Variants in MYO18A observed in about 807,000 individuals in gnomAD.
MYO18A encodes the protein unconventional myosin-XVIIIa.
Under a neutral mutation model 235.8 loss-of-function variants are expected in MYO18A, and 78 were observed. That is an observed-to-expected ratio of 0.33 (90% CI 0.28 to 0.40). MYO18A has a LOEUF of 0.40. MYO18A is among the 10% of genes least tolerant of loss of function. MYO18A has a pLI of 1.00. For synonymous variants in MYO18A, 977 were observed against 1,077.8 expected, an observed-to-expected ratio of 0.91 and a Z score of 1.83; for missense variants, 2,215 against 2,699.3, an observed-to-expected ratio of 0.82 and a Z score of 3.98.
At chr17:29,082,195 G>A in intron 41 of MYO18A, 121 bp downstream of exon 41, 1 of 1,334,146 alleles carries the variant, frequency 7.5e-7, no homozygotes, top group Non-Finnish European at 1.0e-6. Context: ...AGCATGCCCG[G>A]GCCGCAGTCA....
Position 29,121,317 on chromosome 17 carries a change from T to C in MYO18A, c.1372-106A>G, listed in dbSNP as rs1001406738. 83 of 1,307,160 alleles carry C rather than the reference T, an allele frequency of 6.3e-5. No individual in the cohort carries two copies. The highest frequency in any genetic ancestry group is 5.9e-4 in the Middle Eastern group (3 of 5,088). The allele number at this position is 1,307,160 out of a possible 1,614,324, so 81.0% of individuals were successfully genotyped here. ...TCTTTCTGGATTTTCCCTCCTGTAG[T>C]GCCCAGGGATTCCAAGGCCAAGGCC... On this transcript the variant is annotated intron_variant, in intron 5 of 41. Coordinates refer to ENST00000527372, the MANE Select transcript of MYO18A (RefSeq NM_078471.4). This position sits in a 1 kb window ranked among gnomAD's most constrained non-coding sequence, Gnocchi z 4.2.
At chr17:29,080,721 C>T in intron 41 of MYO18A, 4 of 985,528 alleles carry the variant, frequency 4.1e-6, no homozygotes, top group African/African-American at 3.5e-5. Context: ...ACCGCTTCTG[C>T]GGCCCCCGGC....
At chr17:29,132,417 C>T (rs2067494312) in intron 2 of MYO18A, among the ~76,000 whole-genome samples, 1 of 152,236 alleles carries the variant, frequency 6.6e-6, no homozygotes, top group South Asian at 2.1e-4. Flanking sequence ...AATTTCTCCT[C>T]TTTCCCGCGT....
rs1052371521 is a variant in MYO18A at position 29,082,430 on chromosome 17, T to G, written c.5906A>C (p.Asp1969Ala). ...YQKRKNKLEGDSDVDSELEDR... is the reference protein window; with the variant it reads ...YQKRKNKLEGASDVDSELEDR... The stretch of plus-strand genomic sequence containing the variant: ...CTCCAGCTCCGAGTCCACATCAGAG[T>G]CTCCCTCACTGTAGGGATGAGGAGC... Residue 1969 changes from aspartate (D) to alanine (A), a missense_variant, in exon 41 of 42, where the codon GAC becomes GCC. Asp to Ala is a moderately radical substitution (Grantham distance 126). Transcript: ENST00000527372. 1 of 1,612,560 alleles carries G rather than the reference T, an allele frequency of 6.2e-7. No homozygotes were observed. The highest frequency in any genetic ancestry group is 1.7e-5 in the Admixed American group (1 of 59,940).
At position 29,109,780 on chromosome 17, in the gene MYO18A, G is replaced by T; in HGVS notation, c.3331+78C>A. On this transcript the variant is annotated intron_variant, in intron 19 of 41. Transcript: ENST00000527372. The surrounding 1 kb of genome is among the most constrained non-coding windows in gnomAD (Gnocchi z 4.1). ...GGAGCAGCCCCACTGCAGCCCACGG[G>T]TCGCAGGTGGGAGGTGGGGCCGGGC... The T allele has an allele frequency of 1.3e-6, 2 of 1,511,122 alleles. No individual in the cohort carries two copies. The highest frequency in any genetic ancestry group is 2.0e-5 in the Admixed American group (1 of 49,734). The allele number at this position is 1,511,122 out of a possible 1,614,324, so 93.6% of individuals were successfully genotyped here.
At chr17:29,101,399 G>A (rs2066648839) in intron 21 of MYO18A, among the ~76,000 whole-genome samples, 2 of 151,190 alleles carry the variant, frequency 1.3e-5, no homozygotes, top group South Asian at 4.2e-4. Context: ...TCCACCTCCT[G>A]AGCTCAAGCG....
chr17:29,160,806 A>T (rs769568748), intron 2 of MYO18A, among the ~76,000 whole-genome samples: 5 of 152,226 alleles, frequency 3.3e-5, no homozygotes, highest in African/African-American at 7.2e-5. Context: ...TAAAACCTCC[A>T]ACTAGCAGCC....
chr17:29,116,092 GCTGCAAAAATCCCTTTT>G (rs143945990), intron 11 of MYO18A, among the ~76,000 whole-genome samples: 3,094 of 152,344 alleles, frequency 0.02, 72 homozygotes, highest in African/African-American at 0.046. Context: ...CAACAAACCA[GCTGCAAAAATCCCTTTT>G]CAGATGGCTC....
rs79647501 is a variant in MYO18A, at chr17:29,111,277, C to T, written c.2900+147G>A. ...AAGAGGCCCCTCAAGCTCCTCAAGGCCAAGTGCCCTGGGCTGTTGCCTCTC... is the reference window on the plus strand; with the variant it reads ...AAGAGGCCCCTCAAGCTCCTCAAGGTCAAGTGCCCTGGGCTGTTGCCTCTC... On this transcript the variant is annotated intron_variant, in intron 17 of 41. Transcript: ENST00000527372. The surrounding 1 kb of genome is among the most constrained non-coding windows in gnomAD (Gnocchi z 5.1). 6.3e-5 allele frequency: 57 copies of T among 898,682 alleles called. No individual in the cohort carries two copies. 55.7% of individuals were successfully genotyped at this position (898,682 alleles called of 1,614,324 possible). A position where few individuals can be genotyped will look rare whatever the true frequency, so the allele number is the denominator to read the frequency against.
chr17:29,150,233 A>G (rs1318355875), intron 2 of MYO18A, among the ~76,000 whole-genome samples: 1 of 152,252 alleles, frequency 6.6e-6, no homozygotes, highest in East Asian at 1.9e-4. Flanking sequence ...GAAGTAAAAA[A>G]TAAAGCACAA....
At chr17:29,122,098 G>C (rs2067215407) in intron 3 of MYO18A, 68 bp downstream of exon 3, 1 of 1,544,824 alleles carries the variant, frequency 6.5e-7, no homozygotes, top group East Asian at 2.3e-5. Context: ...GATGCAGAAG[G>C]CACATTCGCT....
intron 2 of MYO18A, among the ~76,000 whole-genome samples, chr17:29,149,996 G>GA (rs971857840): frequency 6.6e-5 from 10 of 151,882 alleles, no homozygotes; most frequent in East Asian, 1.9e-4. Context: ...TTCCACAGAA[G>GA]AAAAAAAAGG....
intron 2 of MYO18A, among the ~76,000 whole-genome samples, chr17:29,139,526 G>T (rs2067685881): frequency 6.6e-6 from 1 of 152,088 alleles, no homozygotes; most frequent in South Asian, 2.1e-4. Context: ...GTACTCACGG[G>T]TACATCTCAG....
Position 29,109,873 on chromosome 17 carries a change from G to C in MYO18A, c.3316C>G (p.Arg1106Gly). The C allele has an allele frequency of 6.4e-7, 1 of 1,562,104 alleles. No individual in the cohort carries two copies. Among genetic ancestry groups the C allele is most frequent in the Non-Finnish European group, 8.7e-7 (1 of 1,153,238 alleles). ...GAGGCCCCACCTTGGCGGTACATGC[G>C]CATGGCATCGAGCAGGCGGGAGCCG... is the stretch of plus-strand genomic sequence containing the variant. ...LRGSRLLDAM[R>G]MYRQGYPDHM... The change falls in exon 19 of 42, where the codon CGC (arginine) becomes GGC (glycine). Residue 1106 changes from arginine to glycine, a missense_variant. Arg to Gly is a moderately radical substitution (Grantham distance 125). Coordinates refer to ENST00000527372, the MANE Select transcript of MYO18A (RefSeq NM_078471.4). This position sits in a 1 kb window ranked among gnomAD's most constrained non-coding sequence, Gnocchi z 4.1.
rs143291085 is a variant in MYO18A, at chr17:29,121,667, A to G, written c.1251T>C (p.Asn417=). The change falls in exon 5 of 42, where the codon AAT becomes AAC. Residue 417 remains asparagine (N), a synonymous_variant. Coordinates refer to ENST00000527372, the MANE Select transcript of MYO18A (RefSeq NM_078471.4). This position sits in a 1 kb window ranked among gnomAD's most constrained non-coding sequence, Gnocchi z 4.2. The part of the protein sequence containing the change: ...LEDLASLVYL[N]ESSVLHTLRQ... Reference sequence around the variant, plus strand: ...GCAAGGTGTGCAGGACGCTGGACTCATTGAGGTACACCAGTGAGGCCAGAT... The same window carrying G: ...GCAAGGTGTGCAGGACGCTGGACTCGTTGAGGTACACCAGTGAGGCCAGAT... The G allele has an allele frequency of 7.3e-4, 1,137 of 1,565,562 alleles. 8 individuals are homozygous for G. Among genetic ancestry groups the G allele is most frequent in the South Asian group, 7.2e-3 (618 of 85,766 alleles).
chr17:29,080,902 C>T (rs1324993308), intron 41 of MYO18A: 11 of 985,452 alleles, frequency 1.1e-5, no homozygotes, highest in Non-Finnish European at 1.2e-5. Flanking sequence ...GTCCCCGGTG[C>T]CCCCGATGGA....
chr17:29,113,800 A>G (rs1265900025), intron 15 of MYO18A, among the ~76,000 whole-genome samples: 2 of 152,170 alleles, frequency 1.3e-5, no homozygotes, highest in African/African-American at 4.8e-5. Context: ...AGGGCAGAAG[A>G]AAGTGCCACC....
chr17:29,087,261 C>T, intron 37 of MYO18A, 140 bp from the exon 38 acceptor site: 2 of 793,674 alleles, frequency 2.5e-6, no homozygotes, highest in Non-Finnish European at 4.1e-6. Context: ...GGCAAGCAAC[C>T]CCGAAGCTTC....
chr17:29,098,536 G>T, intron 23 of MYO18A, 91 bp from the exon 24 acceptor site: 1 of 1,458,678 alleles, frequency 6.9e-7, no homozygotes, highest in Non-Finnish European at 9.5e-7. Flanking sequence ...CGAAGCTGAT[G>T]AAGCTTGGGC....
Sources: gnomAD v4.1 joint callset for allele counts (sites outside exome capture counted in the v4.1 genomes callset) on GRCh38, gnomAD v4.1.1 for gene constraint, Gnocchi (gnomAD v3.1) non-coding constraint, MANE v1.5 for transcripts, NCBI Gene and HGNC (gene_info 2026-07-23, HGNC 2026-07-21) for gene names.